Variants in HPSE2 observed in about 807,000 individuals in gnomAD.
HPSE2 encodes the protein inactive heparanase-2.
A neutral mutation model predicts 60.5 loss-of-function variants in HPSE2; 38 were observed. That is an observed-to-expected ratio of 0.63 (90% CI 0.48 to 0.82). HPSE2 has a LOEUF of 0.82. Among genes scored for constraint, HPSE2 ranks in the 40% least tolerant of loss-of-function variants. The pLI, the probability that HPSE2 is intolerant of heterozygous loss-of-function variation, is 0.00. For missense variants in HPSE2, 713 were observed against 740.4 expected (o/e 0.96, Z 0.43); for synonymous variants, 295 against 293.2 (o/e 1.01, Z -0.06).
intron 2 of HPSE2, among the ~76,000 whole-genome samples, chr10:99,204,359 C>A (rs555532374): frequency 6.6e-6 from 1 of 152,210 alleles, no homozygotes; most frequent in Admixed American, 6.5e-5. Context: ...ATCCCATGGA[C>A]CATGCCAGAT....
chr10:98,922,616 G>C (rs980735347), intron 3 of HPSE2, among the ~76,000 whole-genome samples: 1 of 152,114 alleles, frequency 6.6e-6, no homozygotes, highest in Non-Finnish European at 1.5e-5. Flanking sequence ...TGATGGTGAA[G>C]GTATCCAGCT....
intron 3 of HPSE2, among the ~76,000 whole-genome samples, chr10:99,052,562 C>G (rs1958014775): frequency 6.6e-6 from 1 of 151,736 alleles, no homozygotes; most frequent in Admixed American, 6.6e-5. Context: ...CTTTTAGATC[C>G]AAGAAGCTCA....
chr10:99,073,723 G>T (rs772856163), intron 3 of HPSE2, among the ~76,000 whole-genome samples: 6 of 152,060 alleles, frequency 3.9e-5, no homozygotes, highest in Non-Finnish European at 5.9e-5. Flanking sequence ...TCAAATTTGT[G>T]CAATCAATGT....
At chr10:98,812,915 A>G (rs1217339269) in intron 3 of HPSE2, among the ~76,000 whole-genome samples, 1 of 152,176 alleles carries the variant, frequency 6.6e-6, no homozygotes, top group Non-Finnish European at 1.5e-5. Flanking sequence ...AATATGTGCC[A>G]CTGTAGGTGA....
chr10:99,051,949 T>TAA (rs200859034), intron 3 of HPSE2, among the ~76,000 whole-genome samples: 13,558 of 145,052 alleles, frequency 0.093, 660 homozygotes, highest in South Asian at 0.17. Context: ...TGCTTGAAAT[T>TAA]AAAAAAAAAA....
intron 3 of HPSE2, among the ~76,000 whole-genome samples, chr10:98,956,695 C>T (rs1189877774): frequency 1.3e-5 from 2 of 152,102 alleles, no homozygotes; most frequent in East Asian, 1.9e-4. Context: ...TACCACAGTA[C>T]AATTTGGTTT....
the HPSE2 span, among the ~76,000 whole-genome samples, chr10:99,258,541 T>A: frequency 2.0e-5 from 3 of 152,128 alleles, no homozygotes; most frequent in African/African-American, 7.2e-5. Context: ...GGTTCTAAAA[T>A]GCAGATGAAA....
chr10:99,192,368 C>T (rs145317080), intron 2 of HPSE2, among the ~76,000 whole-genome samples: 1 of 152,170 alleles, frequency 6.6e-6, no homozygotes, highest in Non-Finnish European at 1.5e-5. Context: ...GAAAAGAAAC[C>T]GGTAACAAAG....
intron 3 of HPSE2, among the ~76,000 whole-genome samples, chr10:99,069,975 T>C (rs959680179): frequency 6.6e-6 from 1 of 152,086 alleles, no homozygotes; most frequent in African/African-American, 2.4e-5. Flanking sequence ...TGAGGAAATT[T>C]GAGGAAAGAG....
intron 3 of HPSE2, among the ~76,000 whole-genome samples, chr10:99,055,549 ACGG>A (rs1484538033): frequency 6.6e-6 from 1 of 152,160 alleles, no homozygotes; most frequent in Non-Finnish European, 1.5e-5. Flanking sequence ...GGAAAAAATA[ACGG>A]CCAAAAATTT....
At chr10:98,915,129 T>C (rs1188451308) in intron 3 of HPSE2, among the ~76,000 whole-genome samples, 1 of 151,948 alleles carries the variant, frequency 6.6e-6, no homozygotes, top group Non-Finnish European at 1.5e-5. Context: ...TTTTATATTG[T>C]TCTACAGTTT....
chr10:98,620,506 T>A, intron 8 of HPSE2, 96 bp downstream of exon 8: 2 of 861,728 alleles, frequency 2.3e-6, no homozygotes, highest in Non-Finnish European at 1.9e-6. Context: ...GAAACATGCC[T>A]CACCCCTAGG....
chr10:98,941,879 G>C (rs1955015914), intron 3 of HPSE2, among the ~76,000 whole-genome samples: 3 of 141,600 alleles, frequency 2.1e-5, no homozygotes, highest in Admixed American at 1.4e-4. Context: ...TACCAAAACA[G>C]AGATATAGAT....
At chr10:98,825,638 G>T (rs1294435088) in intron 3 of HPSE2, among the ~76,000 whole-genome samples, 1 of 151,648 alleles carries the variant, frequency 6.6e-6, no homozygotes, top group African/African-American at 2.4e-5. Flanking sequence ...GGAGGTGTGG[G>T]GGGGAGTGAA....
At chr10:98,695,358 A>G (rs1463921344) in intron 5 of HPSE2, among the ~76,000 whole-genome samples, 1 of 152,196 alleles carries the variant, frequency 6.6e-6, no homozygotes, top group Admixed American at 6.5e-5. Flanking sequence ...TTCTTTCTCC[A>G]GTACGATTCA....
intron 2 of HPSE2, among the ~76,000 whole-genome samples, chr10:99,146,399 C>T (rs1483612562): frequency 6.6e-6 from 1 of 152,208 alleles, no homozygotes; most frequent in African/African-American, 2.4e-5. Flanking sequence ...AAATGAGCTG[C>T]AGGCCGACAT....
Position 99,232,535 on chromosome 10 carries a change from G to C in HPSE2, c.291-30C>G, listed in dbSNP as rs547966918. On this transcript the variant is annotated intron_variant, in intron 1 of 11. Coordinates refer to ENST00000370552, the MANE Select transcript of HPSE2 (RefSeq NM_021828.5). ...AGAGGAAGAGAATAAGAGAGGAAAGGTTCCCAGGACAGGACGAGAGCGCGT... is the reference window on the plus strand; with the variant it reads ...AGAGGAAGAGAATAAGAGAGGAAAGCTTCCCAGGACAGGACGAGAGCGCGT... 1.5e-5 allele frequency: 23 copies of C among 1,549,644 alleles called. No individual in the cohort carries two copies. In the Admixed American group the frequency reaches 2.0e-4, roughly 13 times the overall value.
At chr10:98,738,725 T>C (rs1029750132) in intron 4 of HPSE2, among the ~76,000 whole-genome samples, 6 of 152,194 alleles carry the variant, frequency 3.9e-5, no homozygotes, top group African/African-American at 1.4e-4. Flanking sequence ...GAAAAAACGC[T>C]CATCATCAGT....
the HPSE2 span, among the ~76,000 whole-genome samples, chr10:99,273,601 AC>A: frequency 6.6e-6 from 1 of 152,162 alleles, no homozygotes; most frequent in African/African-American, 2.4e-5. Flanking sequence ...CAAGACATAA[AC>A]CAACCCCTAA....
Sources: gnomAD v4.1 joint callset for allele counts (sites outside exome capture counted in the v4.1 genomes callset) on GRCh38, gnomAD v4.1.1 for gene constraint, MANE v1.5 for transcripts, NCBI Gene and HGNC (gene_info 2026-07-23, HGNC 2026-07-21) for gene names.